DYNC2H1: variants seen among roughly 807,000 people sequenced by gnomAD.
DYNC2H1 encodes the protein cytoplasmic dynein 2 heavy chain 1.
A neutral mutation model predicts 570.0 loss-of-function variants in DYNC2H1; 410 were observed. The ratio of observed to expected loss-of-function variants is 0.72; its 90% CI spans 0.66 to 0.78. The LOEUF is 0.78. DYNC2H1 is among the 30% of genes least tolerant of loss of function. DYNC2H1 has a pLI of 0.00. For missense variants in DYNC2H1, 4,865 were observed against 5,046.4 expected, an observed-to-expected ratio of 0.96 and a Z score of 1.09; for synonymous variants, 1,688 against 1,677.6, an observed-to-expected ratio of 1.01 and a Z score of -0.15.
At chr11:103,316,651 TTAA>T (rs766372923) in intron 80 of DYNC2H1, 31 bp downstream of exon 80, 194 of 1,420,344 alleles carry the variant, frequency 1.4e-4, no homozygotes, top group Non-Finnish European at 1.7e-4. Context: ...TAATCTCATA[TTAA>T]TAAAATATTT....
chr11:103,134,198 G>A lies in DYNC2H1; in HGVS notation c.2107-123G>A, dbSNP rs1043018084. 1.8e-5 allele frequency: 14 copies of A among 763,638 alleles called. 1 individual carries two copies. The African/African-American group carries it at 2.1e-4, about 11-fold the overall frequency. 47.3% of individuals were successfully genotyped at this position (763,638 alleles called of 1,614,324 possible). On this transcript the variant is annotated intron_variant, in intron 14 of 88. Transcript: ENST00000375735. ...CAGTACATTGGTCAAGTATTGATAT[G>A]TCTTGTATAGATTAAGTTAAACTTG...
chr11:103,471,601 G>A (rs1367279056), intron 88 of DYNC2H1, among the ~76,000 whole-genome samples: 3 of 152,184 alleles, frequency 2.0e-5, no homozygotes, highest in African/African-American at 7.2e-5. Flanking sequence ...AATTTATCCT[G>A]TTGTCAATAA....
intron 55 of DYNC2H1, among the ~76,000 whole-genome samples, chr11:103,219,071 A>G (rs1319412597): frequency 6.6e-6 from 1 of 152,162 alleles, no homozygotes; most frequent in African/African-American, 2.4e-5. Flanking sequence ...AGTGTTTAAT[A>G]TGTTTTATTA....
At chr11:103,195,359 G>A (rs1862476266) in intron 47 of DYNC2H1, among the ~76,000 whole-genome samples, 1 of 152,158 alleles carries the variant, frequency 6.6e-6, no homozygotes, top group African/African-American at 2.4e-5. Context: ...TGAGACTTAG[G>A]TCAAGGTTTA....
In DYNC2H1 at chr11:103,455,310, A is replaced by G. The variant is rs1483527226; in HGVS notation, c.12566+15A>G. ...GAAACTGCAAGGTAATTAAAATGAA[A>G]TACTTTACCTATTTGTCCCTGACGG... On this transcript the variant is annotated intron_variant, in intron 86 of 88. Coordinates refer to ENST00000375735, the MANE Select transcript of DYNC2H1 (RefSeq NM_001377.3). The G allele has an allele frequency of 1.2e-6, 2 of 1,603,628 alleles. No homozygotes were observed. Among genetic ancestry groups the G allele is most frequent in the Admixed American group, 3.3e-5 (2 of 59,932 alleles).
chr11:103,205,360 A>G lies in DYNC2H1; in HGVS notation c.8454+396A>G, dbSNP rs1375455548. Among the ~76,000 whole-genome samples, 1 of 152,222 alleles carries G rather than the reference A, an allele frequency of 6.6e-6. No individual in the cohort carries two copies. Among genetic ancestry groups the G allele is most frequent in the Admixed American group, 6.5e-5 (1 of 15,276 alleles). ...ATGAGTTAAATTGTGAACTCATAAC[A>G]CTATCTTAACTGGAAGCCTCTTATT... On this transcript the variant is annotated intron_variant, in intron 52 of 88. Transcript: ENST00000375735. This position sits in a 1 kb window ranked among gnomAD's most constrained non-coding sequence, Gnocchi z 4.5.
chr11:103,169,063 C>T (rs1591352328), intron 32 of DYNC2H1, 103 bp downstream of exon 32: 1 of 1,068,884 alleles, frequency 9.4e-7, no homozygotes, highest in East Asian at 2.8e-5. Context: ...AGTAATTTTT[C>T]CATAATATTT....
intron 83 of DYNC2H1, among the ~76,000 whole-genome samples, chr11:103,399,333 T>A (rs2135643422): frequency 6.7e-6 from 1 of 149,756 alleles, no homozygotes; most frequent in South Asian, 2.1e-4. Flanking sequence ...TTTTTGTATT[T>A]TTAGTAGAGG....
At chr11:103,353,906 C>T (rs765913889) in intron 82 of DYNC2H1, among the ~76,000 whole-genome samples, 10 of 151,862 alleles carry the variant, frequency 6.6e-5, no homozygotes, top group Admixed American at 2.6e-4. Flanking sequence ...GGGCCGGGTG[C>T]GGTGGCTCAC....
chr11:103,424,413 A>G (rs1369562816), intron 84 of DYNC2H1, among the ~76,000 whole-genome samples: 1 of 152,174 alleles, frequency 6.6e-6, no homozygotes, highest in Non-Finnish European at 1.5e-5. Flanking sequence ...TTTTTCTTAT[A>G]AGGTTAAACA....
chr11:103,450,133 A>G (rs1030633440), intron 85 of DYNC2H1, among the ~76,000 whole-genome samples: 1 of 152,230 alleles, frequency 6.6e-6, no homozygotes, highest in South Asian at 2.1e-4. Context: ...ATAATGATAC[A>G]GAGATCAAGT....
rs536401212 is a variant in DYNC2H1 at position 103,141,698 on chromosome 11, C to G, written c.2575-1570C>G. On this transcript the variant is annotated intron_variant, in intron 17 of 88. Transcript: ENST00000375735. ...CTTGAGGAGGCAGTCTGCCCGTTCTCAGATCTCCAGCTGCATGCTGGGAGA... is the reference window on the plus strand; with the variant it reads ...CTTGAGGAGGCAGTCTGCCCGTTCTGAGATCTCCAGCTGCATGCTGGGAGA... Among the ~76,000 whole-genome samples, 9 of 152,204 alleles carry G rather than the reference C, an allele frequency of 5.9e-5. No individual in the cohort carries two copies. In the East Asian group the frequency reaches 9.6e-4, roughly 16 times the overall value.
chr11:103,266,995 G>A (rs1020301531), intron 70 of DYNC2H1, among the ~76,000 whole-genome samples: 69 of 152,138 alleles, frequency 4.5e-4, no homozygotes, highest in African/African-American at 1.5e-3. Flanking sequence ...CACATACTCC[G>A]GTACCAAACC....
chr11:103,227,795 C>T (rs1863857270), intron 59 of DYNC2H1, among the ~76,000 whole-genome samples: 2 of 152,060 alleles, frequency 1.3e-5, no homozygotes, highest in Admixed American at 6.6e-5. Flanking sequence ...AAGTTTCTCA[C>T]TATTATTGTG....
intron 84 of DYNC2H1, among the ~76,000 whole-genome samples, chr11:103,429,088 C>T (rs982218246): frequency 2.6e-4 from 39 of 151,980 alleles, no homozygotes; most frequent in Admixed American, 5.2e-4. Flanking sequence ...TGGCAAAACC[C>T]CATCTCTACA....
At chr11:103,122,215 TA>T (rs1325514741) in intron 10 of DYNC2H1, among the ~76,000 whole-genome samples, 1 of 152,222 alleles carries the variant, frequency 6.6e-6, no homozygotes, top group East Asian at 1.9e-4. Flanking sequence ...GTTAATTGAT[TA>T]TAGTCTGTGA....
intron 82 of DYNC2H1, among the ~76,000 whole-genome samples, chr11:103,335,750 C>T (rs1350701315): frequency 6.6e-6 from 1 of 151,876 alleles, no homozygotes; most frequent in Non-Finnish European, 1.5e-5. Flanking sequence ...TCCTTTTAAC[C>T]TGTGTTTATG....
At chr11:103,165,714 G>T (rs1861277229) in intron 30 of DYNC2H1, among the ~76,000 whole-genome samples, 184 bp from the exon 31 acceptor site, 1 of 151,842 alleles carries the variant, frequency 6.6e-6, no homozygotes, top group Non-Finnish European at 1.5e-5. Context: ...AGGCTTGGCT[G>T]CATCACACAA....
intron 80 of DYNC2H1, among the ~76,000 whole-genome samples, chr11:103,320,049 G>A (rs989526960): frequency 2.0e-5 from 3 of 152,148 alleles, no homozygotes; most frequent in African/African-American, 7.2e-5. Context: ...AACTATGCTA[G>A]TAATGCTAAC....
Sources: allele counts gnomAD v4.1 joint callset (sites outside exome capture counted in the v4.1 genomes callset), GRCh38; gene constraint gnomAD v4.1.1; non-coding constraint Gnocchi (gnomAD v3.1); transcripts MANE v1.5; gene names NCBI Gene and HGNC (gene_info 2026-07-23, HGNC 2026-07-21).